RARB: variants seen among roughly 807,000 people sequenced by gnomAD.
The protein encoded by RARB is retinoic acid receptor beta.
Under a neutral mutation model 51.9 loss-of-function variants are expected in RARB, and 17 were observed. That is an observed-to-expected ratio of 0.33 (90% CI 0.22 to 0.49). The LOEUF (loss-of-function observed/expected upper bound fraction) is 0.49, where lower values mean the gene tolerates loss of function less well. Ranked by LOEUF, RARB falls within the 20% of genes least tolerant of loss-of-function variation. The probability of loss-of-function intolerance (pLI) is 0.99; values close to 1 mark genes in which losing one functional copy is unlikely to be tolerated. For synonymous variants in RARB, 215 were observed against 195.4 expected, an observed-to-expected ratio of 1.10 and a Z score of -0.84; for missense variants, 369 against 550.8, an observed-to-expected ratio of 0.67 and a Z score of 3.30.
intron 1 of RARB, among the ~76,000 whole-genome samples, chr3:24,841,614 T>G (rs1020326127): frequency 6.6e-6 from 1 of 152,224 alleles, no homozygotes; most frequent in Non-Finnish European, 1.5e-5. Flanking sequence ...AAAAAACAAG[T>G]AGACCAACAG....
intron 5 of RARB, among the ~76,000 whole-genome samples, chr3:25,307,293 A>G (rs1389186105): frequency 2.0e-5 from 3 of 151,978 alleles, no homozygotes; most frequent in Admixed American, 2.0e-4. Flanking sequence ...AAGCTGAGGC[A>G]CAAGAATCGC....
intron 5 of RARB, among the ~76,000 whole-genome samples, chr3:25,212,533 G>A (rs543841116): frequency 2.6e-5 from 4 of 152,140 alleles, no homozygotes; most frequent in South Asian, 2.1e-4. Context: ...CAGAAGGATC[G>A]CTTGAACCCA....
chr3:25,215,298 A>T (rs948138669), intron 5 of RARB, among the ~76,000 whole-genome samples: 3 of 152,216 alleles, frequency 2.0e-5, no homozygotes, highest in Non-Finnish European at 2.9e-5. Flanking sequence ...TAAATCATTA[A>T]TGTGACTTTT....
intron 3 of RARB, among the ~76,000 whole-genome samples, chr3:25,098,328 C>A (rs1016649128): frequency 6.6e-6 from 1 of 151,064 alleles, no homozygotes; most frequent in East Asian, 1.9e-4. Flanking sequence ...ATCCCTTAAT[C>A]ATAGCTAGTT....
At chr3:24,957,906 G>A (rs1219047425) in intron 2 of RARB, among the ~76,000 whole-genome samples, 2 of 152,148 alleles carry the variant, frequency 1.3e-5, no homozygotes, top group East Asian at 1.9e-4. Context: ...TAACATAGGT[G>A]TATATAACTC....
intron 2 of RARB, among the ~76,000 whole-genome samples, chr3:24,954,540 T>G (rs6792188): frequency 0.02 from 3,082 of 152,284 alleles, 97 homozygotes; most frequent in African/African-American, 0.071. Flanking sequence ...CGAGAACTTG[T>G]GATTCACTGA....
chr3:25,200,789 C>T (rs1701369116), intron 5 of RARB, among the ~76,000 whole-genome samples: 1 of 152,058 alleles, frequency 6.6e-6, no homozygotes, highest in African/African-American at 2.4e-5. Flanking sequence ...CTGTTCTGTT[C>T]CATTGATCTA....
At chr3:25,526,695 G>C (rs1351872921) in intron 3 of RARB, among the ~76,000 whole-genome samples, 1 of 152,122 alleles carries the variant, frequency 6.6e-6, no homozygotes, top group African/African-American at 2.4e-5. Flanking sequence ...TGGATGAGTG[G>C]GTGAATGAAT....
chr3:25,180,683 TTC>T (rs2125357056), intron 5 of RARB, among the ~76,000 whole-genome samples: 1 of 152,304 alleles, frequency 6.6e-6, no homozygotes, highest in Non-Finnish European at 1.5e-5. Context: ...CTGTCTTTGT[TTC>T]TCTGTTTTCT....
chr3:25,215,830 G>T (rs995672884), intron 5 of RARB, among the ~76,000 whole-genome samples: 2 of 152,114 alleles, frequency 1.3e-5, no homozygotes, highest in Non-Finnish European at 2.9e-5. Flanking sequence ...TCTACAAATG[G>T]AGCCACACTC....
At chr3:24,873,107 T>G (rs183230509) in intron 2 of RARB, among the ~76,000 whole-genome samples, 38 of 152,368 alleles carry the variant, frequency 2.5e-4, no homozygotes, top group South Asian at 4.1e-4. Context: ...AATAAAAGTT[T>G]ATGAAAACAG....
intron 5 of RARB, among the ~76,000 whole-genome samples, chr3:25,187,739 C>T (rs1199730040): frequency 6.6e-6 from 1 of 151,960 alleles, no homozygotes; most frequent in African/African-American, 2.4e-5. Flanking sequence ...CAGATACAGC[C>T]TTGTTGTGGA....
At chr3:25,503,416 A>T (rs1697412018) in intron 3 of RARB, among the ~76,000 whole-genome samples, 1 of 152,136 alleles carries the variant, frequency 6.6e-6, no homozygotes. Flanking sequence ...GAAAATCAGT[A>T]CTTTTGCATT....
At chr3:24,837,930 C>T (rs1702364789) in intron 1 of RARB, among the ~76,000 whole-genome samples, 1 of 152,310 alleles carries the variant, frequency 6.6e-6, no homozygotes, top group Non-Finnish European at 1.5e-5. Context: ...TTCACTATAT[C>T]ACCATTTCCG....
intron 1 of RARB, among the ~76,000 whole-genome samples, chr3:24,848,303 T>A (rs1331929449): frequency 1.3e-5 from 2 of 152,162 alleles, no homozygotes; most frequent in Non-Finnish European, 2.9e-5. Flanking sequence ...TCAAGTGATC[T>A]GCATGCCTCG....
intron 2 of RARB, among the ~76,000 whole-genome samples, chr3:24,955,737 A>G (rs527297978): frequency 8.4e-4 from 128 of 151,732 alleles, no homozygotes; most frequent in Non-Finnish European, 1.1e-3. Context: ...TTTTTTCGGG[A>G]GCAATAAGTC....
chr3:25,506,575 C>T (rs1311792825), intron 3 of RARB, among the ~76,000 whole-genome samples: 2 of 152,020 alleles, frequency 1.3e-5, no homozygotes, highest in African/African-American at 4.8e-5. Context: ...ATTTTCATGC[C>T]ACTTCACTCC....
At chr3:25,017,028 T>C (rs749059722) in intron 2 of RARB, among the ~76,000 whole-genome samples, 2 of 152,120 alleles carry the variant, frequency 1.3e-5, no homozygotes, top group Non-Finnish European at 1.5e-5. Flanking sequence ...TACAAATGAG[T>C]CACCAAAGTC....
Position 24,991,443 on chromosome 3 carries a change from C to CA in RARB, c.-379-68672dup, listed in dbSNP as rs371185277. 5.9e-3 allele frequency among the ~76,000 whole-genome samples: 824 copies of CA among 138,738 alleles called. 17 individuals carry two copies. The East Asian group carries it at 0.075, about 13-fold the overall frequency. The allele number at this position is 138,738 out of a possible 152,430, so 91.0% of individuals were successfully genotyped here. A position where few individuals can be genotyped will look rare whatever the true frequency, so the allele number is the denominator to read the frequency against. ...GGGCAACAAGAGCAAAACTCTGTCT[C>CA]AAAAAAAAAAGAAAAAGAAAAAGAA... On this transcript the variant is annotated intron_variant, in intron 2 of 11. Transcript: ENST00000383772.
Sources: allele counts gnomAD v4.1 joint callset (sites outside exome capture counted in the v4.1 genomes callset), GRCh38; gene constraint gnomAD v4.1.1; transcripts MANE v1.5; gene names NCBI Gene and HGNC (gene_info 2026-07-23, HGNC 2026-07-21).